The following MAPKAP1 variants were observed in gnomAD, a reference collection of about 807,000 sequenced individuals.
MAPKAP1 encodes the protein target of rapamycin complex 2 subunit MAPKAP1.
In MAPKAP1, 20 loss-of-function variants were observed where a neutral mutation model predicts 65.7. The ratio of observed to expected loss-of-function variants is 0.30; its 90% CI spans 0.21 to 0.44. The LOEUF (loss-of-function observed/expected upper bound fraction) is 0.44, where lower values mean the gene tolerates loss of function less well. Ranked by LOEUF, MAPKAP1 falls within the 20% of genes least tolerant of loss-of-function variation. The pLI is 1.00. For missense variants in MAPKAP1, 423 were observed against 648.0 expected, an observed-to-expected ratio of 0.65 and a Z score of 3.77; for synonymous variants, 222 against 244.3, an observed-to-expected ratio of 0.91 and a Z score of 0.85.
At chr9:125,531,578 C>T (rs550929610) in intron 7 of MAPKAP1, among the ~76,000 whole-genome samples, 3 of 152,260 alleles carry the variant, frequency 2.0e-5, no homozygotes, top group Admixed American at 6.5e-5. Context: ...TTTTATGCTA[C>T]AAGAATACAT....
chr9:125,483,020 A>G (rs569350523), intron 9 of MAPKAP1, among the ~76,000 whole-genome samples: 10 of 152,290 alleles, frequency 6.6e-5, no homozygotes, highest in Non-Finnish European at 1.3e-4. Context: ...TACAGCTAAT[A>G]AACGAGCAGG....
intron 4 of MAPKAP1, among the ~76,000 whole-genome samples, chr9:125,618,413 G>C (rs1832805909): frequency 6.8e-6 from 1 of 148,098 alleles, no homozygotes; most frequent in Admixed American, 6.8e-5. Flanking sequence ...TACCCATTAT[G>C]GGACTACAAT....
At chr9:125,622,566 C>T (rs369799428) in intron 4 of MAPKAP1, among the ~76,000 whole-genome samples, 1 of 152,042 alleles carries the variant, frequency 6.6e-6, no homozygotes, top group Non-Finnish European at 1.5e-5. Flanking sequence ...CTGCCTCAGC[C>T]TCCTGAGTAG....
intron 1 of MAPKAP1, among the ~76,000 whole-genome samples, chr9:125,683,440 T>C (rs1357116505): frequency 6.6e-6 from 1 of 152,180 alleles, no homozygotes; most frequent in African/African-American, 2.4e-5. Flanking sequence ...GAGATCTTCT[T>C]GCCGGCCTTG....
intron 1 of MAPKAP1, among the ~76,000 whole-genome samples, chr9:125,691,810 C>T (rs989704610): frequency 6.6e-6 from 1 of 152,212 alleles, no homozygotes. Flanking sequence ...AAGAAGTTCA[C>T]TGCTGGACTG....
At chr9:125,536,584 T>TCA (rs779453251) in intron 7 of MAPKAP1, among the ~76,000 whole-genome samples, 2,623 of 112,852 alleles carry the variant, frequency 0.023, 31 homozygotes, top group Middle Eastern at 0.028. Context: ...TATTTTCCAT[T>TCA]TATTCATTCA....
chr9:125,651,510 C>A (rs1489654679), intron 4 of MAPKAP1, among the ~76,000 whole-genome samples: 2 of 151,958 alleles, frequency 1.3e-5, no homozygotes, highest in African/African-American at 2.4e-5. Flanking sequence ...GAGGCTGAGG[C>A]GGGAGAAATC....
intron 4 of MAPKAP1, among the ~76,000 whole-genome samples, chr9:125,638,362 T>A (rs1043400828): frequency 2.0e-5 from 3 of 152,118 alleles, no homozygotes; most frequent in Non-Finnish European, 4.4e-5. Flanking sequence ...TGACAGACAC[T>A]GAGAAGGAAT....
At chr9:125,692,752 A>C (rs183414986) in intron 1 of MAPKAP1, among the ~76,000 whole-genome samples, 3 of 152,360 alleles carry the variant, frequency 2.0e-5, no homozygotes, top group African/African-American at 7.2e-5. Context: ...TTCCAAAACA[A>C]GGATACCAAC....
intron 4 of MAPKAP1, among the ~76,000 whole-genome samples, chr9:125,610,095 G>C (rs983671347): frequency 6.6e-6 from 1 of 152,156 alleles, no homozygotes; most frequent in East Asian, 1.9e-4. Flanking sequence ...CTTTTTTGGA[G>C]GGAAAGTTCT....
chr9:125,458,818 C>T (rs567619895), intron 10 of MAPKAP1, among the ~76,000 whole-genome samples: 177 of 133,890 alleles, frequency 1.3e-3, no homozygotes, highest in Non-Finnish European at 2.1e-3. Context: ...CCTCACCTCC[C>T]GGACGGGGCG....
chr9:125,561,779 A>G (rs114638070), intron 5 of MAPKAP1, among the ~76,000 whole-genome samples: 1 of 152,368 alleles, frequency 6.6e-6, no homozygotes, highest in African/African-American at 2.4e-5. Flanking sequence ...CAGATAATAT[A>G]TGTAGTGTCT....
chr9:125,525,399 C>T (rs700114), intron 7 of MAPKAP1, among the ~76,000 whole-genome samples: 385 of 152,150 alleles, frequency 2.5e-3, no homozygotes, highest in African/African-American at 8.7e-3. Context: ...GGAGGCCGGG[C>T]GCGGTGGCTC....
rs574917479 is a variant in MAPKAP1 at position 125,445,335 on chromosome 9, A to G, written c.1346-737T>C. Among the ~76,000 whole-genome samples, 16 of 152,320 alleles carry G rather than the reference A, an allele frequency of 1.1e-4. 1 individual carries two copies. Among genetic ancestry groups the G allele is most frequent in the African/African-American group, 3.4e-4 (14 of 41,588 alleles). ...TCACTCCGCTGCCCCGACAGGCCAC[A>G]GGCTGCCAGAGTGCTGCACACTCCC... On this transcript the variant is annotated intron_variant, in intron 10 of 11. Coordinates refer to ENST00000265960, the MANE Select transcript of MAPKAP1 (RefSeq NM_001006617.3).
chr9:125,534,783 T>C (rs1281233538), intron 7 of MAPKAP1, among the ~76,000 whole-genome samples: 1 of 152,200 alleles, frequency 6.6e-6, no homozygotes, highest in African/African-American at 2.4e-5. Flanking sequence ...CTGAACACTC[T>C]TTCCCATCCC....
intron 4 of MAPKAP1, among the ~76,000 whole-genome samples, chr9:125,656,015 T>C (rs554295135): frequency 6.6e-6 from 1 of 152,178 alleles, no homozygotes; most frequent in Non-Finnish European, 1.5e-5. Context: ...ACCTAAGTAA[T>C]TAACAATAAA....
chr9:125,698,288 A>AATATATATAAATATAT (rs1835461807), intron 1 of MAPKAP1, among the ~76,000 whole-genome samples: 5 of 49,066 alleles, frequency 1.0e-4, no homozygotes, highest in Admixed American at 2.6e-4. Context: ...AATATATATA[A>AATATATATAAATATAT]ATATATATAT....
chr9:125,476,049 T>A (rs1005645496), intron 9 of MAPKAP1, among the ~76,000 whole-genome samples: 1 of 152,196 alleles, frequency 6.6e-6, no homozygotes, highest in Admixed American at 6.5e-5. Flanking sequence ...CACATTGTCA[T>A]TAATAACCCT....
chr9:125,464,547 A>G (rs1853612135), intron 10 of MAPKAP1, among the ~76,000 whole-genome samples: 1 of 152,204 alleles, frequency 6.6e-6, no homozygotes, highest in African/African-American at 2.4e-5. Flanking sequence ...CTCTTTTAAG[A>G]ATTCATATTT....
Sources: allele counts gnomAD v4.1 joint callset (sites outside exome capture counted in the v4.1 genomes callset), GRCh38; gene constraint gnomAD v4.1.1; transcripts MANE v1.5; gene names NCBI Gene and HGNC (gene_info 2026-07-23, HGNC 2026-07-21).